Variants in SNX29 observed in about 807,000 individuals in gnomAD.
The protein encoded by SNX29 is sorting nexin 29.
A neutral mutation model predicts 102.1 loss-of-function variants in SNX29; 78 were observed. The observed-to-expected ratio is 0.76, with a 90% confidence interval of 0.64 to 0.92. SNX29 has a LOEUF of 0.92. Among genes scored for constraint, SNX29 ranks in the 40% least tolerant of loss-of-function variants. The probability of loss-of-function intolerance (pLI) is 0.00; values close to 1 mark genes in which losing one functional copy is unlikely to be tolerated. For synonymous variants in SNX29, 580 were observed against 414.5 expected (o/e 1.40, Z -4.85); for missense variants, 1,280 against 1,061.7 (o/e 1.21, Z -2.86).
At chr16:11,986,334 C>T (rs945940329) in intron 1 of SNX29, among the ~76,000 whole-genome samples, 1 of 145,528 alleles carries the variant, frequency 6.9e-6, no homozygotes, top group African/African-American at 2.5e-5. Flanking sequence ...TCTTCGCTTG[C>T]ATCTGTGTTT....
intron 20 of SNX29, among the ~76,000 whole-genome samples, chr16:12,553,368 A>AG (rs1358218443): frequency 6.6e-6 from 1 of 152,220 alleles, no homozygotes; most frequent in Non-Finnish European, 1.5e-5. Flanking sequence ...AGAGCTTGCC[A>AG]GACATGCTCT....
intron 18 of SNX29, among the ~76,000 whole-genome samples, chr16:12,474,805 A>G (rs541439741): frequency 1.1e-4 from 17 of 152,308 alleles, no homozygotes; most frequent in African/African-American, 3.8e-4. Flanking sequence ...GTGATGTATT[A>G]TAGTTGCTGT....
intron 20 of SNX29, among the ~76,000 whole-genome samples, chr16:12,566,175 G>C (rs930541917): frequency 1.3e-5 from 2 of 152,194 alleles, no homozygotes; most frequent in African/African-American, 4.8e-5. Context: ...GGTGGCTTTA[G>C]GTAGCCCTTG....
chr16:12,405,892 C>T (rs182728233), intron 18 of SNX29, among the ~76,000 whole-genome samples: 8 of 151,872 alleles, frequency 5.3e-5, no homozygotes, highest in Non-Finnish European at 1.2e-4. Flanking sequence ...ATTAGCCAGG[C>T]GTGGTGGTGG....
At chr16:12,552,214 G>C (rs982648381) in intron 20 of SNX29, among the ~76,000 whole-genome samples, 1 of 152,114 alleles carries the variant, frequency 6.6e-6, no homozygotes, top group African/African-American at 2.4e-5. Context: ...GAGGGCCGTG[G>C]AGTCAGACAT....
intron 18 of SNX29, among the ~76,000 whole-genome samples, chr16:12,430,430 G>A (rs77586011): frequency 0.016 from 2,462 of 152,340 alleles, 76 homozygotes; most frequent in African/African-American, 0.057. Context: ...CTGAGGGGCA[G>A]TGACCTTGGG....
intron 11 of SNX29, among the ~76,000 whole-genome samples, chr16:12,106,868 T>A (rs2053273865): frequency 6.6e-6 from 1 of 151,960 alleles, no homozygotes; most frequent in South Asian, 2.1e-4. Context: ...CAGGCTGCAG[T>A]GCAGTGGCAC....
chr16:12,417,732 C>T (rs1252136611), intron 18 of SNX29, among the ~76,000 whole-genome samples: 3 of 151,996 alleles, frequency 2.0e-5, no homozygotes, highest in Admixed American at 6.6e-5. Context: ...TTCCTTCCTC[C>T]CACTTCTTGT....
intron 18 of SNX29, among the ~76,000 whole-genome samples, chr16:12,475,989 T>G (rs2087573931): frequency 6.6e-6 from 1 of 152,044 alleles, no homozygotes; most frequent in Admixed American, 6.6e-5. Flanking sequence ...TGGACTTTTA[T>G]AAGAATATAT....
chr16:12,097,746 C>T (rs955563716), intron 11 of SNX29, among the ~76,000 whole-genome samples: 4 of 152,240 alleles, frequency 2.6e-5, no homozygotes, highest in South Asian at 2.1e-4. Flanking sequence ...CTTATGTAAC[C>T]GTTTGATGCA....
chr16:12,080,482 G>C (rs1457978692), intron 11 of SNX29, among the ~76,000 whole-genome samples: 2 of 152,116 alleles, frequency 1.3e-5, no homozygotes, highest in Non-Finnish European at 2.9e-5. Context: ...CTTTTCACCT[G>C]TCAATCTTTT....
At chr16:12,354,250 G>A (rs1046965833) in intron 15 of SNX29, among the ~76,000 whole-genome samples, 1 of 152,178 alleles carries the variant, frequency 6.6e-6, no homozygotes, top group African/African-American at 2.4e-5. Context: ...AGTTTCAGAG[G>A]TTAGCTTAGT....
In SNX29 at chr16:12,571,532, C is replaced by G; in HGVS notation, c.*2903C>G. The G allele has an allele frequency of 1.2e-6, 1 of 866,142 alleles. No individual in the cohort carries two copies. Among genetic ancestry groups the G allele is most frequent in the Non-Finnish European group, 1.4e-6 (1 of 698,082 alleles). The allele number at this position is 866,142 out of a possible 1,614,324, so 53.7% of individuals were successfully genotyped here. A position where few individuals can be genotyped will look rare whatever the true frequency, so the allele number is the denominator to read the frequency against. ...CAAGGGCCTTGGATTCCTGGGACCA[C>G]CCTTTGCTGGGAGGAAGAATCCACA... On this transcript the variant is annotated 3_prime_UTR_variant, in exon 21 of 21. Transcript: ENST00000566228.
At chr16:12,116,041 G>A (rs1024818085) in intron 11 of SNX29, among the ~76,000 whole-genome samples, 1 of 152,216 alleles carries the variant, frequency 6.6e-6, no homozygotes, top group Non-Finnish European at 1.5e-5. Context: ...ACCGTGCCAG[G>A]TGATGGAGAC....
intron 2 of SNX29, chr16:12,000,508 A>AG (rs1271445636): frequency 6.6e-6 from 1 of 151,440 alleles, no homozygotes; most frequent in African/African-American, 2.4e-5. Context: ...GTATTTTAAT[A>AG]GGGGTGTGTG....
intron 15 of SNX29, among the ~76,000 whole-genome samples, chr16:12,339,923 C>T (rs1352567882): frequency 1.3e-5 from 2 of 152,110 alleles, no homozygotes; most frequent in Non-Finnish European, 2.9e-5. Flanking sequence ...TTCCCCAGAT[C>T]ACTAGGAAGA....
At chr16:12,127,499 G>T (rs2054268666) in intron 12 of SNX29, among the ~76,000 whole-genome samples, 1 of 147,282 alleles carries the variant, frequency 6.8e-6, no homozygotes, top group South Asian at 2.3e-4. Context: ...TCTGCTCACT[G>T]CAACCTCCAC....
intron 16 of SNX29, among the ~76,000 whole-genome samples, chr16:12,368,003 A>ACCAT (rs2082547388): frequency 6.6e-6 from 1 of 152,216 alleles, no homozygotes; most frequent in Non-Finnish European, 1.5e-5. Flanking sequence ...TGTTTTCCTG[A>ACCAT]CCATGGCCAA....
At chr16:12,009,996 C>T (rs1028940271) in intron 3 of SNX29, among the ~76,000 whole-genome samples, 2 of 152,188 alleles carry the variant, frequency 1.3e-5, no homozygotes, top group Non-Finnish European at 2.9e-5. Flanking sequence ...GGCTTTGGAG[C>T]TTGGCATTTG....
Sources: allele counts gnomAD v4.1 joint callset (sites outside exome capture counted in the v4.1 genomes callset), GRCh38; gene constraint gnomAD v4.1.1; transcripts MANE v1.5; gene names NCBI Gene and HGNC (gene_info 2026-07-23, HGNC 2026-07-21).